Variants in PBX1 observed in about 807,000 individuals in gnomAD.
PBX1 encodes pre-B-cell leukemia transcription factor 1.
Under a neutral mutation model 53.4 loss-of-function variants are expected in PBX1, and 6 were observed. That is an observed-to-expected ratio of 0.11 (90% CI 0.06 to 0.22). The LOEUF (loss-of-function observed/expected upper bound fraction) is 0.22, where lower values mean the gene tolerates loss of function less well. Among genes scored for constraint, PBX1 ranks in the 10% least tolerant of loss-of-function variants. PBX1 has a pLI of 1.00. For missense variants in PBX1, 251 were observed against 551.4 expected (o/e 0.46, Z 5.46); for synonymous variants, 204 against 212.3 (o/e 0.96, Z 0.34).
intron 3 of PBX1, among the ~76,000 whole-genome samples, chr1:164,795,230 G>A (rs1343709680): frequency 6.6e-6 from 1 of 152,252 alleles, no homozygotes; most frequent in South Asian, 2.1e-4. Context: ...GAGAGAATTT[G>A]CCCTAGAATC....
At chr1:164,606,053 G>A (rs1388962721) in intron 2 of PBX1, among the ~76,000 whole-genome samples, 1 of 152,202 alleles carries the variant, frequency 6.6e-6, no homozygotes, top group Non-Finnish European at 1.5e-5. Flanking sequence ...TGATGATAGT[G>A]AATAGGCAAA....
chr1:164,610,054 G>C (rs1217329529), intron 2 of PBX1, among the ~76,000 whole-genome samples: 1 of 152,124 alleles, frequency 6.6e-6, no homozygotes. Context: ...CTCTGTCGAA[G>C]GGCCCCACCT....
intron 8 of PBX1, among the ~76,000 whole-genome samples, chr1:164,823,786 T>A (rs1670285857): frequency 6.6e-6 from 1 of 152,112 alleles, no homozygotes; most frequent in Admixed American, 6.5e-5. Context: ...TTGCATTAAT[T>A]TTTTTTTCCA....
chr1:164,828,274 G>A (rs576486624), intron 8 of PBX1, among the ~76,000 whole-genome samples: 1 of 150,244 alleles, frequency 6.7e-6, no homozygotes, highest in South Asian at 2.1e-4. Flanking sequence ...GTGTATGCGT[G>A]TGTGTGTGTG....
intron 8 of PBX1, among the ~76,000 whole-genome samples, chr1:164,834,852 A>G (rs1338594067): frequency 6.6e-6 from 1 of 152,206 alleles, no homozygotes; most frequent in African/African-American, 2.4e-5. Context: ...GAGATTGGCA[A>G]CACCAAACAA....
At position 164,868,231 on chromosome 1, in the gene PBX1, T is replaced by C. The variant is rs138686630; in HGVS notation, n.258-30957T>C. Among the ~76,000 whole-genome samples the C allele has an allele frequency of 6.7e-3, 1,021 of 152,292 alleles. 10 individuals are homozygous for C. The highest frequency in any genetic ancestry group is 0.024 in the African/African-American group (987 of 41,572). On this transcript the variant is annotated intron_variant and non_coding_transcript_variant, in intron 2 of 2. Coordinates refer to the PBX1 transcript ENST00000558796. ...TGACTTCTGAGGGGGGCCATTTTTT[T>C]TAAACAGTGTCCGCCCCGAGATATT...
chr1:164,698,279 G>A (rs563234974), intron 2 of PBX1, among the ~76,000 whole-genome samples: 1 of 152,258 alleles, frequency 6.6e-6, no homozygotes, highest in African/African-American at 2.4e-5. Flanking sequence ...CATTTTGACT[G>A]CTTTACGATA....
chr1:164,706,288 C>A (rs1663423566), intron 2 of PBX1, among the ~76,000 whole-genome samples: 1 of 152,086 alleles, frequency 6.6e-6, no homozygotes, highest in Non-Finnish European at 1.5e-5. Context: ...TCCTTTTAGA[C>A]CATGCCTTAA....
intron 5 of PBX1, among the ~76,000 whole-genome samples, chr1:164,811,679 G>T (rs917298274): frequency 6.6e-6 from 1 of 152,218 alleles, no homozygotes; most frequent in Non-Finnish European, 1.5e-5. Flanking sequence ...CATAACTGAA[G>T]ATGTAAGCAA....
chr1:164,762,878 A>G (rs11583784), intron 2 of PBX1, among the ~76,000 whole-genome samples: 13,758 of 152,222 alleles, frequency 0.09, 696 homozygotes, highest in South Asian at 0.16. Context: ...GCTAGTTTTC[A>G]TTTGTCAATC....
chr1:164,702,119 C>T (rs774358153), intron 2 of PBX1, among the ~76,000 whole-genome samples: 20 of 151,784 alleles, frequency 1.3e-4, no homozygotes, highest in Admixed American at 1.2e-3. Context: ...CTGGGGGTTG[C>T]GGAGAAGAGC....
chr1:164,841,470 A>G (rs912467116), intron 8 of PBX1, among the ~76,000 whole-genome samples: 2 of 152,170 alleles, frequency 1.3e-5, no homozygotes, highest in African/African-American at 4.8e-5. Flanking sequence ...CATGCACAGA[A>G]TGACACTTTT....
chr1:164,651,850 T>A (rs983131791), intron 2 of PBX1: 2 of 152,574 alleles, frequency 1.3e-5, no homozygotes, highest in African/African-American at 2.4e-5. Context: ...TCTGGTTGAT[T>A]TATTTTCATG....
intron 2 of PBX1, chr1:164,683,149 G>C (rs1661890104): frequency 6.6e-6 from 1 of 152,128 alleles, no homozygotes. Flanking sequence ...TATTTGCATG[G>C]CCCTGTATCA....
chr1:164,593,148 G>C (rs1440509529), intron 2 of PBX1, among the ~76,000 whole-genome samples: 2 of 151,944 alleles, frequency 1.3e-5, no homozygotes, highest in African/African-American at 4.8e-5. Flanking sequence ...AATAGAGATG[G>C]GGTTTCGCCA....
intron 2 of PBX1, among the ~76,000 whole-genome samples, chr1:164,732,681 GC>G (rs1287248762): frequency 6.6e-6 from 1 of 151,856 alleles, no homozygotes; most frequent in Non-Finnish European, 1.5e-5. Flanking sequence ...TCTCTGTTCT[GC>G]ATAAAGATGA....
chr1:164,783,456 C>T (rs767765269), intron 2 of PBX1, among the ~76,000 whole-genome samples: 9 of 152,024 alleles, frequency 5.9e-5, no homozygotes, highest in Non-Finnish European at 1.0e-4. Context: ...CTGGTTTCTT[C>T]TGTGTTGTTG....
At chr1:164,657,710 A>G (rs866023565) in intron 2 of PBX1, among the ~76,000 whole-genome samples, 61 of 152,330 alleles carry the variant, frequency 4.0e-4, no homozygotes, top group African/African-American at 1.3e-3. Context: ...TCTCAAGTAG[A>G]AAGAAGCCCC....
At chr1:164,837,610 A>G (rs1312827969) in intron 8 of PBX1, among the ~76,000 whole-genome samples, 1 of 152,156 alleles carries the variant, frequency 6.6e-6, no homozygotes, top group African/African-American at 2.4e-5. Flanking sequence ...GGCAGAGGTT[A>G]TTTATTCAGA....
Sources: gnomAD v4.1 joint callset for allele counts (sites outside exome capture counted in the v4.1 genomes callset) on GRCh38, gnomAD v4.1.1 for gene constraint, MANE v1.5 for transcripts, NCBI Gene and HGNC (gene_info 2026-07-23, HGNC 2026-07-21) for gene names.